Variants in NEDD4L observed in about 807,000 individuals in gnomAD.
NEDD4L encodes NEDD4 like E3 ubiquitin protein ligase, also known as E3 ubiquitin-protein ligase NEDD4-like.
A neutral mutation model predicts 148.9 loss-of-function variants in NEDD4L; 54 were observed. The observed-to-expected ratio is 0.36, with a 90% CI of 0.29 to 0.45. The LOEUF (loss-of-function observed/expected upper bound fraction) is 0.45. NEDD4L is among the 20% of genes least tolerant of loss of function. The pLI is 1.00. For synonymous variants in NEDD4L, 433 were observed against 440.7 expected, an observed-to-expected ratio of 0.98 and a Z score of 0.22; for missense variants, 856 against 1,233.8, an observed-to-expected ratio of 0.69 and a Z score of 4.59.
chr18:58,121,398 T>C (rs922059818), intron 1 of NEDD4L, among the ~76,000 whole-genome samples: 1 of 152,142 alleles, frequency 6.6e-6, no homozygotes, highest in Admixed American at 6.5e-5. Flanking sequence ...CAAGTTTTGT[T>C]CAGTTGTTAA....
At chr18:58,370,281 G>A in intron 22 of NEDD4L, 116 bp from the exon 23 acceptor site, 1 of 702,284 alleles carries the variant, frequency 1.4e-6, no homozygotes, top group East Asian at 2.7e-5. Flanking sequence ...AAGGCCCTTG[G>A]TTACTCCTTC....
At chr18:58,121,527 C>T (rs182790782) in intron 1 of NEDD4L, among the ~76,000 whole-genome samples, 67 of 152,016 alleles carry the variant, frequency 4.4e-4, no homozygotes, top group Non-Finnish European at 7.5e-4. Context: ...ACTTCAACTG[C>T]CCAAGTAGTT....
chr18:58,345,790 G>A (rs1438865304), intron 16 of NEDD4L, among the ~76,000 whole-genome samples: 1 of 152,022 alleles, frequency 6.6e-6, no homozygotes, highest in African/African-American at 2.4e-5. Flanking sequence ...TGCCCAGGCT[G>A]GAGTGTAATG....
At chr18:58,146,730 G>C (rs1346908332) in intron 1 of NEDD4L, among the ~76,000 whole-genome samples, 1 of 152,208 alleles carries the variant, frequency 6.6e-6, no homozygotes. Context: ...GGATGTGGAA[G>C]GGTGCAGAGC....
At chr18:58,170,186 C>T (rs1318802202) in intron 2 of NEDD4L, among the ~76,000 whole-genome samples, 51 of 152,204 alleles carry the variant, frequency 3.4e-4, no homozygotes, top group Non-Finnish European at 5.9e-5. Context: ...TTGCCTTTGC[C>T]TGTGTTTTCC....
chr18:58,228,071 C>T (rs1049642063), intron 2 of NEDD4L, among the ~76,000 whole-genome samples: 1 of 152,174 alleles, frequency 6.6e-6, no homozygotes, highest in Admixed American at 6.5e-5. Context: ...TACCCTACCC[C>T]ACTCCAGCCA....
At chr18:58,052,013 G>A (rs563433290) in intron 1 of NEDD4L, among the ~76,000 whole-genome samples, 5 of 152,190 alleles carry the variant, frequency 3.3e-5, no homozygotes, top group South Asian at 4.2e-4. Context: ...CTGTTGGCTC[G>A]GGTGTTGCTT....
chr18:58,237,642 A>G (rs1358202375), intron 2 of NEDD4L, among the ~76,000 whole-genome samples: 2 of 152,248 alleles, frequency 1.3e-5, no homozygotes, highest in Non-Finnish European at 2.9e-5. Flanking sequence ...AAACATTTTT[A>G]TTAGTCACCA....
At chr18:58,111,674 A>T (rs2085429986) in intron 1 of NEDD4L, among the ~76,000 whole-genome samples, 2 of 152,216 alleles carry the variant, frequency 1.3e-5, no homozygotes, top group Non-Finnish European at 2.9e-5. Flanking sequence ...TTATAAAACC[A>T]TATGGTTTCT....
chr18:58,133,656 T>G (rs2032465251), intron 1 of NEDD4L, among the ~76,000 whole-genome samples: 1 of 152,200 alleles, frequency 6.6e-6, no homozygotes, highest in South Asian at 2.1e-4. Context: ...CCCTCCATGC[T>G]TGCTAGACTG....
At chr18:58,126,777 T>A (rs2031185018) in intron 1 of NEDD4L, among the ~76,000 whole-genome samples, 1 of 152,214 alleles carries the variant, frequency 6.6e-6, no homozygotes. Context: ...TCGGTTACCC[T>A]TTTCTGTTGC....
chr18:58,076,070 A>G lies in NEDD4L; in HGVS notation c.48+31362A>G, dbSNP rs571054215. Among the ~76,000 whole-genome samples the G allele has an allele frequency of 2.6e-5, 4 of 152,356 alleles. 1 individual carries two copies. The highest frequency in any genetic ancestry group is 9.6e-5 in the African/African-American group (4 of 41,588). ...AAATCTCACACCACTTGATAAATAT[A>G]GTGAACTAGATTACTAAAGAGTGAT... is the stretch of plus-strand genomic sequence containing the variant. On this transcript the variant is annotated intron_variant, in intron 1 of 30. Coordinates refer to ENST00000400345, the MANE Select transcript of NEDD4L (RefSeq NM_001144967.3).
At chr18:58,230,547 T>A (rs1354002003) in intron 2 of NEDD4L, among the ~76,000 whole-genome samples, 1 of 152,098 alleles carries the variant, frequency 6.6e-6, no homozygotes, top group Non-Finnish European at 1.5e-5. Context: ...TCAAGAAAAT[T>A]AGATTTATGT....
At chr18:58,379,430 C>T (rs1329758060) in intron 24 of NEDD4L, among the ~76,000 whole-genome samples, 1 of 152,184 alleles carries the variant, frequency 6.6e-6, no homozygotes, top group Non-Finnish European at 1.5e-5. Context: ...GACATACAGT[C>T]CCTCCCCTCC....
chr18:58,118,303 G>A (rs2085990935), intron 1 of NEDD4L, among the ~76,000 whole-genome samples: 1 of 152,252 alleles, frequency 6.6e-6, no homozygotes, highest in Non-Finnish European at 1.5e-5. Flanking sequence ...AGGTGCTTAT[G>A]ATGCCTGTGA....
rs2042344871 is a variant in NEDD4L at position 58,340,984 on chromosome 18, T to C, written c.1126-54T>C. The C allele has an allele frequency of 3.9e-6, 6 of 1,554,026 alleles. No individual in the cohort carries two copies. In the Admixed American group the frequency reaches 5.9e-5, roughly 15 times the overall value. ...CTGGGTGTACCTTACTTTATTAAAC[T>C]GATCAGAAAACAAATGCAAGGTATT... On this transcript the variant is annotated intron_variant, in intron 13 of 30. Coordinates refer to ENST00000400345, the MANE Select transcript of NEDD4L (RefSeq NM_001144967.3).
At chr18:58,195,638 G>GTT in intron 2 of NEDD4L, 1 of 1,350,642 alleles carries the variant, frequency 7.4e-7, no homozygotes, top group Non-Finnish European at 9.8e-7. Flanking sequence ...TCTCCTCGCC[G>GTT]CCGTTGCTGT....
chr18:58,347,205 G>GCCCCCCCCCCC lies in NEDD4L; in HGVS notation c.1576-2324_1576-2323insCCCCCCCCCCC, dbSNP rs138430099. On this transcript the variant is annotated intron_variant, in intron 16 of 30. Coordinates refer to ENST00000400345, the MANE Select transcript of NEDD4L (RefSeq NM_001144967.3). ...AATTTCAGCTTCTTTTCACGCTACGGCCCCCCCCGCCCCCCCCCCCCCTTT... is the reference window on the plus strand; with the variant it reads ...AATTTCAGCTTCTTTTCACGCTACGGCCCCCCCCCCCCCCCCCCCGCCCCCCCCCCCCCTTT... Among the ~76,000 whole-genome samples the GCCCCCCCCCCC allele has an allele frequency of 2.2e-3, 89 of 39,568 alleles. 7 individuals are homozygous for GCCCCCCCCCCC. The highest frequency in any genetic ancestry group is 6.3e-3 in the African/African-American group (45 of 7,156). 26.0% of individuals were successfully genotyped at this position (39,568 alleles called of 152,430 possible). A position where few individuals can be genotyped will look rare whatever the true frequency, so the allele number is the denominator to read the frequency against.
chr18:58,094,862 A>G (rs2084289561), intron 1 of NEDD4L, among the ~76,000 whole-genome samples: 1 of 150,902 alleles, frequency 6.6e-6, no homozygotes, highest in Admixed American at 6.7e-5. Context: ...GGTAGGCTGT[A>G]AGGCTTGATT....
Sources: allele counts gnomAD v4.1 joint callset (sites outside exome capture counted in the v4.1 genomes callset), GRCh38; gene constraint gnomAD v4.1.1; transcripts MANE v1.5; gene names NCBI Gene and HGNC (gene_info 2026-07-23, HGNC 2026-07-21).